The following BFSP1 variants were observed in gnomAD, a reference collection of about 807,000 sequenced individuals.
BFSP1 encodes the protein filensin.
BFSP1 carries 38 observed loss-of-function variants against 43.9 expected under a neutral mutation model. The observed-to-expected ratio is 0.87, with a 90% confidence interval of 0.67 to 1.14. The LOEUF (loss-of-function observed/expected upper bound fraction) is 1.14, where lower values mean the gene tolerates loss of function less well. Ranked by LOEUF, BFSP1 falls within the 50% of genes most tolerant of loss-of-function variation. The probability of loss-of-function intolerance (pLI) is 0.00; values close to 1 mark genes in which losing one functional copy is unlikely to be tolerated. For synonymous variants in BFSP1, 352 were observed against 354.8 expected, an observed-to-expected ratio of 0.99 and a Z score of 0.09; for missense variants, 850 against 875.1, an observed-to-expected ratio of 0.97 and a Z score of 0.36.
At chr20:17,498,782 A>G in intron 6 of BFSP1, 38 bp downstream of exon 6, 1 of 1,596,412 alleles carries the variant, frequency 6.3e-7, no homozygotes, top group Non-Finnish European at 8.5e-7. Context: ...GAGTTGTGGA[A>G]GGAATAAGTG....
rs774858101 is a variant in BFSP1, at chr20:17,524,914, A to G, written c.378-6T>C. On this transcript the variant is annotated splice_region_variant and splice_polypyrimidine_tract_variant and intron_variant, in intron 1 of 7. Coordinates refer to ENST00000377873, the MANE Select transcript of BFSP1 (RefSeq NM_001195.5). ...ATTCGCACTCATTTTCATACCTGCAAATTGGACACATAAGTGAGAGTTGGG... is the reference window on the plus strand; with the variant it reads ...ATTCGCACTCATTTTCATACCTGCAGATTGGACACATAAGTGAGAGTTGGG... The G allele has an allele frequency of 6.2e-7, 1 of 1,612,850 alleles. No homozygotes were observed. The highest frequency in any genetic ancestry group is 1.1e-5 in the South Asian group (1 of 91,058).
intron 2 of BFSP1, among the ~76,000 whole-genome samples, chr20:17,522,699 A>G (rs934807417): frequency 4.6e-5 from 7 of 152,234 alleles, no homozygotes; most frequent in African/African-American, 1.7e-4. Context: ...CTCTGTAGTA[A>G]TAACAGTGAT....
At chr20:17,530,815 C>A (rs573725787) in intron 1 of BFSP1, 138 bp downstream of exon 1, 1 of 957,796 alleles carries the variant, frequency 1.0e-6, no homozygotes, top group Non-Finnish European at 1.4e-6. Context: ...GTGCCACCTG[C>A]GTGCAGGGAT....
At chr20:17,553,354 A>G (rs2034925916) in intron 1 of BFSP1, among the ~76,000 whole-genome samples, 1 of 152,188 alleles carries the variant, frequency 6.6e-6, no homozygotes, top group South Asian at 2.1e-4. Flanking sequence ...ACTAAAATCC[A>G]TGGAATAAAA....
At chr20:17,497,073 A>G in intron 6 of BFSP1, 50 bp from the exon 7 acceptor site, 1 of 1,384,668 alleles carries the variant, frequency 7.2e-7, no homozygotes, top group Non-Finnish European at 9.7e-7. Flanking sequence ...CAGGGGCAAG[A>G]GCGACTCTCG....
At chr20:17,502,264 G>A (rs1020384698) in intron 5 of BFSP1, among the ~76,000 whole-genome samples, 14 of 152,132 alleles carry the variant, frequency 9.2e-5, no homozygotes, top group African/African-American at 3.1e-4. Context: ...ACCTGTATGA[G>A]GACACAGCCA....
In BFSP1 at chr20:17,514,120, C is replaced by G. The variant is rs912094811; in HGVS notation, c.534+601G>C. 4.6e-5 allele frequency among the ~76,000 whole-genome samples: 7 copies of G among 152,324 alleles called. No homozygotes were observed. In the South Asian group the frequency reaches 8.3e-4, roughly 18 times the overall value. On this transcript the variant is annotated intron_variant, in intron 3 of 7. Coordinates refer to ENST00000377873, the MANE Select transcript of BFSP1 (RefSeq NM_001195.5). The stretch of plus-strand genomic sequence containing the variant: ...GGGAAGCCCTGAGGCACCCACAGGT[C>G]TGCTACACTACTTCACCCACGTCAC...
At chr20:17,501,209 A>G (rs1468783164) in intron 5 of BFSP1, among the ~76,000 whole-genome samples, 1 of 152,218 alleles carries the variant, frequency 6.6e-6, no homozygotes, top group Non-Finnish European at 1.5e-5. Context: ...CCAATTCTTC[A>G]CTTATACACT....
At chr20:17,528,468 C>T (rs930822060) in intron 1 of BFSP1, among the ~76,000 whole-genome samples, 16 of 152,222 alleles carry the variant, frequency 1.1e-4, no homozygotes, top group African/African-American at 3.9e-4. Context: ...CATCAAGCTG[C>T]CCCGGATGTC....
chr20:17,521,805 G>A (rs1403577232), intron 2 of BFSP1, among the ~76,000 whole-genome samples: 1 of 152,148 alleles, frequency 6.6e-6, no homozygotes, highest in Admixed American at 6.5e-5. Flanking sequence ...AACCAATGAA[G>A]GAATGTGACG....
At position 17,494,002 on chromosome 20, in the gene BFSP1, T is replaced by C; in HGVS notation, c.*72A>G. 3 of 1,360,214 alleles carry C rather than the reference T, an allele frequency of 2.2e-6. No homozygotes were observed. The highest frequency in any genetic ancestry group is 3.0e-6 in the Non-Finnish European group (3 of 989,516). 84.3% of individuals were successfully genotyped at this position (1,360,214 alleles called of 1,614,324 possible). On this transcript the variant is annotated 3_prime_UTR_variant, in exon 8 of 8. Transcript: ENST00000377873. ...ACAGGAACCCTCACCCTTTTATCAT[T>C]TGCTCTAAAATATCAAAGCATTACC...
In BFSP1 at chr20:17,493,964, TG is replaced by T; in HGVS notation, c.*109del. ...TTGGCAATGCCAGATGGGTCAACTA[TG>T]GTCTAATCCAAACAGGAACCCTCAC... On this transcript the variant is annotated 3_prime_UTR_variant, in exon 8 of 8. Coordinates refer to ENST00000377873, the MANE Select transcript of BFSP1 (RefSeq NM_001195.5). The T allele has an allele frequency of 9.4e-7, 1 of 1,063,308 alleles. No homozygotes were observed. The highest frequency in any genetic ancestry group is 1.4e-6 in the Non-Finnish European group (1 of 733,826). 65.9% of individuals were successfully genotyped at this position (1,063,308 alleles called of 1,614,324 possible).
intron 2 of BFSP1, among the ~76,000 whole-genome samples, chr20:17,520,210 G>GCGCCC (rs201615265): frequency 1.5e-5 from 2 of 133,354 alleles, no homozygotes; most frequent in African/African-American, 6.0e-5. Flanking sequence ...GTTTTAACGT[G>GCGCCC]CCCCCCCACC....
chr20:17,505,197 T>C (rs530663789), intron 5 of BFSP1, among the ~76,000 whole-genome samples: 104 of 152,310 alleles, frequency 6.8e-4, no homozygotes, highest in Non-Finnish European at 7.6e-4. Flanking sequence ...TGCACTTATT[T>C]GAAGGAGAGG....
chr20:17,512,157 C>G, intron 3 of BFSP1, 89 bp from the exon 4 acceptor site: 2 of 986,688 alleles, frequency 2.0e-6, no homozygotes, highest in Non-Finnish European at 1.5e-6. Context: ...ATGGACACTT[C>G]CGCACGCTCC....
Position 17,494,377 on chromosome 20 carries a change from C to A in BFSP1, c.1695G>T (p.Arg565=). The change falls in exon 8 of 8, where the codon CGG becomes CGT. Residue 565 remains arginine, a synonymous_variant. Transcript: ENST00000377873. ...CACAGGGTCTCCTGGACTCTTCGTC[C>A]CGCTCCTCACCCTCACGTTTCTCTT... ...GPEEKREGEE[R]DEESRRPCAM... is the part of the protein sequence containing the mutation. The A allele has an allele frequency of 1.2e-6, 2 of 1,614,218 alleles. No individual in the cohort carries two copies. Among genetic ancestry groups the A allele is most frequent in the Non-Finnish European group, 1.7e-6 (2 of 1,180,044 alleles).
Position 17,566,551 on chromosome 20 carries a change from T to A in BFSP1, n.50+2620A>T, listed in dbSNP as rs543664347. 2.2e-4 allele frequency among the ~76,000 whole-genome samples: 33 copies of A among 152,302 alleles called. 1 individual carries two copies. The South Asian group carries it at 6.2e-3, about 29-fold the overall frequency. ...GTTCTGGAGGCTGTGAAGTCCAAGATCAAGTCACCAGCAGATTCAGTGTCT... is the reference window on the plus strand; with the variant it reads ...GTTCTGGAGGCTGTGAAGTCCAAGAACAAGTCACCAGCAGATTCAGTGTCT... On this transcript the variant is annotated intron_variant and non_coding_transcript_variant, in intron 1 of 6. Transcript: ENST00000473415.
chr20:17,542,797 A>T (rs2034741582), intron 1 of BFSP1, among the ~76,000 whole-genome samples: 1 of 152,220 alleles, frequency 6.6e-6, no homozygotes, highest in Non-Finnish European at 1.5e-5. Context: ...CTAGAATTAG[A>T]GTATATAGCC....
At chr20:17,510,164 G>A (rs889973229) in intron 4 of BFSP1, among the ~76,000 whole-genome samples, 14 of 152,188 alleles carry the variant, frequency 9.2e-5, no homozygotes, top group Admixed American at 1.3e-4. Flanking sequence ...GAGTCCCTGC[G>A]GATCTGGCTA....
Sources: allele counts gnomAD v4.1 joint callset (sites outside exome capture counted in the v4.1 genomes callset), GRCh38; gene constraint gnomAD v4.1.1; transcripts MANE v1.5; gene names NCBI Gene and HGNC (gene_info 2026-07-23, HGNC 2026-07-21).